The following MITD1 variants were observed in gnomAD, a reference collection of about 807,000 sequenced individuals.
MITD1 encodes microtubule interacting and trafficking domain containing 1.
In MITD1, 24 loss-of-function variants were observed where a neutral mutation model predicts 34.9. The observed-to-expected ratio is 0.69, with a 90% confidence interval of 0.50 to 0.97. MITD1 has a LOEUF of 0.97. MITD1 is among the 50% of genes least tolerant of loss of function. The pLI is 0.00. For synonymous variants in MITD1, 102 were observed against 101.4 expected (o/e 1.01, Z -0.04); for missense variants, 266 against 294.6 (o/e 0.90, Z 0.71).
downstream of MITD1, among the ~76,000 whole-genome samples, chr2:99,166,977 G>A (rs2093830548): frequency 6.7e-6 from 1 of 149,464 alleles, no homozygotes; most frequent in South Asian, 2.1e-4. Context: ...ATTTCTTTAT[G>A]CGGAGTAAGA....
At chr2:99,179,798 T>G (rs1252795029) in intron 1 of MITD1, among the ~76,000 whole-genome samples, 1 of 152,126 alleles carries the variant, frequency 6.6e-6, no homozygotes, top group African/African-American at 2.4e-5. Flanking sequence ...CTTGACCTCA[T>G]GATCCACCTG....
intron 7 of MITD1, chr2:99,162,448 G>A (rs776902574): frequency 6.2e-7 from 1 of 1,613,962 alleles, no homozygotes; most frequent in Admixed American, 1.7e-5. Flanking sequence ...AAAATCTCAG[G>A]AACAGCTTCT....
At chr2:99,170,171 TAAG>T (rs1214668362) in intron 5 of MITD1, among the ~76,000 whole-genome samples, 1 of 152,176 alleles carries the variant, frequency 6.6e-6, no homozygotes, top group Non-Finnish European at 1.5e-5. Context: ...TAATAACCCC[TAAG>T]AAGTAAAGCC....
exon 8 of MITD1, chr2:99,161,961 C>T: frequency 6.3e-7 from 1 of 1,591,066 alleles, no homozygotes; most frequent in Non-Finnish European, 8.6e-7. Flanking sequence ...TAAAAGCATG[C>T]TGATCCCATT....
downstream of MITD1, among the ~76,000 whole-genome samples, chr2:99,165,583 A>G (rs555742945): frequency 1.6e-4 from 25 of 152,330 alleles, 1 homozygote; most frequent in South Asian, 5.0e-3. Context: ...AGTCATGAGA[A>G]TGAATAATTT....
intron 1 of MITD1, among the ~76,000 whole-genome samples, chr2:99,174,435 C>T (rs1388886280): frequency 6.6e-6 from 1 of 152,190 alleles, no homozygotes; most frequent in Non-Finnish European, 1.5e-5. Context: ...AGTTAATGCA[C>T]ATTTTTCCAG....
At chr2:99,165,304 T>G (rs1335657999), downstream of MITD1, among the ~76,000 whole-genome samples, 1 of 152,088 alleles carries the variant, frequency 6.6e-6, no homozygotes, top group Non-Finnish European at 1.5e-5. Context: ...TGACCTCAGG[T>G]GATCTGCCTG....
chr2:99,168,978 T>TTTTTTTTTTTTTTTTTG (rs70940146), downstream of MITD1, among the ~76,000 whole-genome samples: 1 of 103,030 alleles, frequency 9.7e-6, no homozygotes, highest in African/African-American at 3.6e-5. Context: ...TTTTTTTTTT[T>TTTTTTTTTTTTTTTTTG]CTGATACAGG....
At chr2:99,173,538 T>G in intron 2 of MITD1, 1 of 466,462 alleles carries the variant, frequency 2.1e-6, no homozygotes. Flanking sequence ...AAGGGAAATA[T>G]AAATAAAATA....
At chr2:99,168,332 G>C (rs1183455587), downstream of MITD1, among the ~76,000 whole-genome samples, 1 of 152,078 alleles carries the variant, frequency 6.6e-6, no homozygotes, top group African/African-American at 2.4e-5. Context: ...ATAAAGACGG[G>C]GTTTCTCCAT....
At chr2:99,180,737 G>C in intron 1 of MITD1, 94 bp downstream of exon 1, 1 of 1,103,112 alleles carries the variant, frequency 9.1e-7, no homozygotes, top group Non-Finnish European at 1.4e-6. Flanking sequence ...TTCGTGGTGT[G>C]GAAAAATCAT....
rs180906983 is a variant in MITD1 at position 99,180,953 on chromosome 2, G to C, written c.29C>G (p.Pro10Arg). 1 of 1,613,912 alleles carries C rather than the reference G, an allele frequency of 6.2e-7. No individual in the cohort carries two copies. Among genetic ancestry groups the C allele is most frequent in the South Asian group, 1.1e-5 (1 of 91,026 alleles). The change falls in exon 1 of 7, where the codon CCG (proline) becomes CGG (arginine). Residue 10 changes from proline to arginine, a missense_variant. Coordinates refer to ENST00000289359, the MANE Select transcript of MITD1 (RefSeq NM_138798.3). MAKSGLRQD[P>R]QSTAAATVLK... ...CACAGTGGCTGCAGCTGTGCTCTGC[G>C]GGTCCTGCCTCAGCCCGGACTTCGC...
intron 1 of MITD1, among the ~76,000 whole-genome samples, chr2:99,176,687 C>CGT (rs34950540): frequency 7.5e-4 from 114 of 151,538 alleles, no homozygotes; most frequent in African/African-American, 2.5e-3. Flanking sequence ...TGTGTGTGCG[C>CGT]GTGTGTGTGT....
chr2:99,166,188 T>C (rs1171535486), downstream of MITD1, among the ~76,000 whole-genome samples: 2 of 144,816 alleles, frequency 1.4e-5, no homozygotes, highest in South Asian at 4.3e-4. Flanking sequence ...AGAGTGTGAA[T>C]TAAAAAAAAA....
At chr2:99,166,321 G>C (rs2093826483), downstream of MITD1, among the ~76,000 whole-genome samples, 2 of 151,920 alleles carry the variant, frequency 1.3e-5, no homozygotes, top group Non-Finnish European at 2.9e-5. Flanking sequence ...TAGCCAACTG[G>C]GTCAAATGCT....
At position 99,180,776 on chromosome 2, in the gene MITD1, C is replaced by G. The variant is rs758196449; in HGVS notation, c.151+55G>C. On this transcript the variant is annotated intron_variant, in intron 1 of 6. Transcript: ENST00000289359. ...TAACTCTTTCACTTCACCCCAGACA[C>G]AGCAGGAACCAGCTCCTTTTCCTCA... The G allele has an allele frequency of 2.0e-6, 3 of 1,475,360 alleles. No homozygotes were observed. In the East Asian group the frequency reaches 6.8e-5, roughly 34 times the overall value. 91.4% of individuals were successfully genotyped at this position (1,475,360 alleles called of 1,614,324 possible). A position where few individuals can be genotyped will look rare whatever the true frequency, so the allele number is the denominator to read the frequency against.
chr2:99,180,670 A>C (rs1256796114), intron 1 of MITD1, 161 bp downstream of exon 1: 1 of 669,500 alleles, frequency 1.5e-6, no homozygotes, highest in Non-Finnish European at 2.7e-6. Context: ...TAAAGATCTA[A>C]AAGAAAGCGG....
chr2:99,163,898 T>C (rs914279287), intron 7 of MITD1, among the ~76,000 whole-genome samples: 1 of 152,180 alleles, frequency 6.6e-6, no homozygotes, highest in African/African-American at 2.4e-5. Context: ...CCTTCCCTAA[T>C]CTCTCCTTGC....
chr2:99,166,997 T>A (rs2093830668), downstream of MITD1, among the ~76,000 whole-genome samples: 1 of 150,960 alleles, frequency 6.6e-6, no homozygotes, highest in Non-Finnish European at 1.5e-5. Context: ...ACAGAGGCCT[T>A]AATGTTATTT....
Sources: allele counts gnomAD v4.1 joint callset (sites outside exome capture counted in the v4.1 genomes callset), GRCh38; gene constraint gnomAD v4.1.1; transcripts MANE v1.5; gene names NCBI Gene and HGNC (gene_info 2026-07-23, HGNC 2026-07-21).